Variants in CCDC146 observed in about 807,000 individuals in gnomAD.
CCDC146 encodes coiled-coil domain containing 146, also known as coiled-coil domain-containing protein 146.
In CCDC146, 92 loss-of-function variants were observed where a neutral mutation model predicts 119.3. The ratio of observed to expected loss-of-function variants is 0.77; its 90% CI spans 0.65 to 0.92. The LOEUF (loss-of-function observed/expected upper bound fraction) is 0.92. Among genes scored for constraint, CCDC146 ranks in the 40% least tolerant of loss-of-function variants. The pLI is 0.00. For synonymous variants in CCDC146, 372 were observed against 371.8 expected (o/e 1.00, Z -0.01); for missense variants, 1,000 against 1,103.0 (o/e 0.91, Z 1.32).
intron 2 of CCDC146, among the ~76,000 whole-genome samples, chr7:77,187,979 A>T (rs990148415): frequency 1.3e-5 from 2 of 152,230 alleles, no homozygotes; most frequent in Non-Finnish European, 2.9e-5. Flanking sequence ...AACCACTCAC[A>T]GATGCTGAGT....
rs1243198225 is a variant in CCDC146, at chr7:77,261,985, C to T, written c.987-136C>T. On this transcript the variant is annotated intron_variant, in intron 8 of 18. Transcript: ENST00000285871. Reference sequence around the variant, plus strand: ...CCAGTAATAGGATTGCTGGGTCAAACGGTAGTTCTGTTTTTAGGTCTTTGC... The same window carrying T: ...CCAGTAATAGGATTGCTGGGTCAAATGGTAGTTCTGTTTTTAGGTCTTTGC... The T allele has an allele frequency of 6.0e-5, 39 of 652,422 alleles. 1 individual carries two copies. Among genetic ancestry groups the T allele is most frequent in the South Asian group, 5.2e-4 (25 of 47,998 alleles). The allele number at this position is 652,422 out of a possible 1,614,324, so 40.4% of individuals were successfully genotyped here. A position where few individuals can be genotyped will look rare whatever the true frequency, so the allele number is the denominator to read the frequency against.
At chr7:77,281,206 T>C (rs1282702295) in intron 14 of CCDC146, among the ~76,000 whole-genome samples, 1 of 152,150 alleles carries the variant, frequency 6.6e-6, no homozygotes, top group African/African-American at 2.4e-5. Context: ...CTTTTGAAGA[T>C]CAATGTCCTT....
At chr7:77,282,214 A>G (rs1163208201) in intron 14 of CCDC146, 4 of 208,788 alleles carry the variant, frequency 1.9e-5, no homozygotes, top group Non-Finnish European at 3.8e-5. Context: ...GTCTGACCCG[A>G]GAAAAGGATC....
intron 1 of CCDC146, among the ~76,000 whole-genome samples, chr7:77,126,125 G>A (rs1400020444): frequency 6.6e-6 from 1 of 152,096 alleles, no homozygotes; most frequent in Non-Finnish European, 1.5e-5. Context: ...GCAAGTTAAG[G>A]AAGTTTACTT....
At chr7:77,177,899 A>G (rs931073196) in intron 2 of CCDC146, among the ~76,000 whole-genome samples, 4 of 152,220 alleles carry the variant, frequency 2.6e-5, no homozygotes, top group Admixed American at 1.3e-4. Context: ...CAGTACAGAT[A>G]GGTTCTATTG....
intron 15 of CCDC146, among the ~76,000 whole-genome samples, 187 bp downstream of exon 15, chr7:77,282,972 G>T (rs545372179): frequency 6.6e-6 from 1 of 152,294 alleles, no homozygotes; most frequent in South Asian, 2.1e-4. Flanking sequence ...AGGCATCCAG[G>T]CTACACATTG....
chr7:77,258,379 A>G (rs1793221092), intron 6 of CCDC146, among the ~76,000 whole-genome samples: 2 of 152,128 alleles, frequency 1.3e-5, no homozygotes, highest in Admixed American at 6.5e-5. Flanking sequence ...CTGGCTTATG[A>G]TGGTTCAGCT....
chr7:77,276,399 GAGA>G (rs1170607526), intron 11 of CCDC146, among the ~76,000 whole-genome samples: 1 of 152,076 alleles, frequency 6.6e-6, no homozygotes, highest in Non-Finnish European at 1.5e-5. Context: ...TTGCAAAAAA[GAGA>G]AGATCTACAT....
chr7:77,278,435 A>ATTTTTTTTTTTTTTTTTTTTTT, intron 11 of CCDC146, among the ~76,000 whole-genome samples: 1 of 103,342 alleles, frequency 9.7e-6, no homozygotes, highest in Non-Finnish European at 1.8e-5. Flanking sequence ...CCAAGAAATA[A>ATTTTTTTTTTTTTTTTTTTTTT]TTTTTTTTTT....
intron 1 of CCDC146, among the ~76,000 whole-genome samples, chr7:77,131,602 C>CAGCCATTCAAAT (rs1790786500): frequency 1.3e-5 from 2 of 152,258 alleles, no homozygotes; most frequent in East Asian, 3.9e-4. Context: ...CCTGTAGTCC[C>CAGCCATTCAAAT]AGCTATTTGA....
At chr7:77,234,842 C>G (rs1157634183) in intron 2 of CCDC146, among the ~76,000 whole-genome samples, 1 of 152,070 alleles carries the variant, frequency 6.6e-6, no homozygotes, top group Non-Finnish European at 1.5e-5. Flanking sequence ...AGATCTTGTT[C>G]ACCATATTTC....
At chr7:77,242,246 A>T in intron 4 of CCDC146, 1 of 391,250 alleles carries the variant, frequency 2.6e-6, no homozygotes, top group Non-Finnish European at 4.0e-6. Flanking sequence ...TGACTATAGC[A>T]GTACCAGAGC....
intron 1 of CCDC146, among the ~76,000 whole-genome samples, chr7:77,145,978 A>C (rs1791010901): frequency 6.6e-6 from 1 of 151,742 alleles, no homozygotes; most frequent in Non-Finnish European, 1.5e-5. Flanking sequence ...ATCCTTGTTA[A>C]CTTTCTGTCT....
chr7:77,186,421 A>G (rs1382921206), intron 2 of CCDC146, among the ~76,000 whole-genome samples: 6 of 152,076 alleles, frequency 3.9e-5, no homozygotes, highest in Admixed American at 3.9e-4. Flanking sequence ...TCACTTATTT[A>G]TGGGAGATAA....
chr7:77,245,722 C>A (rs1208899872), intron 4 of CCDC146, among the ~76,000 whole-genome samples: 2 of 152,016 alleles, frequency 1.3e-5, no homozygotes, highest in Non-Finnish European at 2.9e-5. Flanking sequence ...AACCAAGAAA[C>A]AACAGATCTG....
chr7:77,153,503 C>G (rs1791136566), intron 1 of CCDC146, among the ~76,000 whole-genome samples: 2 of 147,186 alleles, frequency 1.4e-5, no homozygotes, highest in South Asian at 4.3e-4. Flanking sequence ...AAACATTTCA[C>G]CAACCCAAAT....
At chr7:77,178,090 T>C (rs1791527667) in intron 2 of CCDC146, among the ~76,000 whole-genome samples, 1 of 152,186 alleles carries the variant, frequency 6.6e-6, no homozygotes, top group South Asian at 2.1e-4. Context: ...CAAATTCCAC[T>C]TTGCAAAGTA....
At chr7:77,124,942 C>G (rs1377601202) in intron 1 of CCDC146, among the ~76,000 whole-genome samples, 1 of 151,052 alleles carries the variant, frequency 6.6e-6, no homozygotes, top group South Asian at 2.1e-4. Flanking sequence ...CCTGTAATTT[C>G]AGCACTTTGG....
rs181022287 is a variant in CCDC146, at chr7:77,198,238, C to T, written c.156+30414C>T. ...CCCTTCCCTCCTTCACTGGCAGATG[C>T]CCTGGGGATGGAGCATGCCTGAGAT... is the stretch of plus-strand genomic sequence containing the variant. On this transcript the variant is annotated intron_variant, in intron 2 of 18. Transcript: ENST00000285871. 2.0e-4 allele frequency: 198 copies of T among 985,368 alleles called. No individual in the cohort carries two copies. The African/African-American group carries it at 3.4e-3, about 17-fold the overall frequency. 61.0% of individuals were successfully genotyped at this position (985,368 alleles called of 1,614,324 possible).
Sources: allele counts gnomAD v4.1 joint callset (sites outside exome capture counted in the v4.1 genomes callset), GRCh38; gene constraint gnomAD v4.1.1; transcripts MANE v1.5; gene names NCBI Gene and HGNC (gene_info 2026-07-23, HGNC 2026-07-21).